Variants in BTBD9 observed in about 807,000 individuals in gnomAD.
BTBD9 encodes BTB domain containing 9.
BTBD9 carries 49 observed loss-of-function variants against 64.3 expected under a neutral mutation model. The ratio of observed to expected loss-of-function variants is 0.76; its 90% confidence interval spans 0.61 to 0.97. The LOEUF (loss-of-function observed/expected upper bound fraction) is 0.97. Among genes scored for constraint, BTBD9 ranks in the 50% least tolerant of loss-of-function variants. The pLI, the probability that BTBD9 is intolerant of heterozygous loss-of-function variation, is 0.00. For synonymous variants in BTBD9, 260 were observed against 274.7 expected, an observed-to-expected ratio of 0.95 and a Z score of 0.53; for missense variants, 598 against 762.1, an observed-to-expected ratio of 0.78 and a Z score of 2.53.
At chr6:38,192,701 T>C in intron 9 of BTBD9, 104 bp from the exon 10 acceptor site, 1 of 980,372 alleles carries the variant, frequency 1.0e-6, no homozygotes, top group Non-Finnish European at 1.6e-6. Context: ...CTTCCTGTCC[T>C]CGGAGACCTG....
At chr6:38,315,410 G>A (rs1323082900) in intron 7 of BTBD9, among the ~76,000 whole-genome samples, 1 of 151,258 alleles carries the variant, frequency 6.6e-6, no homozygotes. Flanking sequence ...TTTTGATGCA[G>A]GCACTTAACA....
At chr6:38,306,964 A>G (rs1300501817) in intron 7 of BTBD9, among the ~76,000 whole-genome samples, 1 of 152,262 alleles carries the variant, frequency 6.6e-6, no homozygotes, top group Non-Finnish European at 1.5e-5. Flanking sequence ...CAAATGGTTA[A>G]TAATCTCTGA....
rs970533604 is a variant in BTBD9 at position 38,334,716 on chromosome 6, C to T, written c.1264+10268G>A. ...GTACGCATTTACATTTACCTAGACA[C>T]ACACATCCATACTACTATATGTATC... On this transcript the variant is annotated intron_variant, in intron 7 of 10. Transcript: ENST00000481247. Among the ~76,000 whole-genome samples the T allele has an allele frequency of 8.6e-5, 13 of 152,016 alleles. No individual in the cohort carries two copies. In the South Asian group the frequency reaches 2.3e-3, roughly 27 times the overall value.
At chr6:38,557,652 A>G (rs1775089758) in intron 6 of BTBD9, among the ~76,000 whole-genome samples, 1 of 152,248 alleles carries the variant, frequency 6.6e-6, no homozygotes, top group African/African-American at 2.4e-5. Context: ...ACCTGTTTAT[A>G]AAAACAAGGT....
chr6:38,440,291 C>T (rs912328798), intron 6 of BTBD9, among the ~76,000 whole-genome samples: 1 of 152,126 alleles, frequency 6.6e-6, no homozygotes, highest in African/African-American at 2.4e-5. Context: ...CGGCAAAACG[C>T]ACTAAGTAGA....
intron 8 of BTBD9, among the ~76,000 whole-genome samples, chr6:38,262,000 T>C (rs1358274756): frequency 6.6e-6 from 1 of 152,268 alleles, no homozygotes; most frequent in Admixed American, 6.5e-5. Flanking sequence ...AAAAAGCAAC[T>C]GCAGCTGAAG....
At chr6:38,598,343 G>C (rs1342595373) in intron 1 of BTBD9, among the ~76,000 whole-genome samples, 1 of 152,096 alleles carries the variant, frequency 6.6e-6, no homozygotes, top group Non-Finnish European at 1.5e-5. Context: ...AAAAATGCCA[G>C]ATCTCCAAAC....
intron 6 of BTBD9, among the ~76,000 whole-genome samples, chr6:38,381,612 A>C (rs1374238841): frequency 6.6e-6 from 1 of 152,160 alleles, no homozygotes; most frequent in Non-Finnish European, 1.5e-5. Flanking sequence ...CATAAAGAGA[A>C]TAATGTTCTC....
chr6:38,630,389 T>C (rs909922675), intron 1 of BTBD9, among the ~76,000 whole-genome samples: 1 of 152,236 alleles, frequency 6.6e-6, no homozygotes, highest in Non-Finnish European at 1.5e-5. Flanking sequence ...ATAGGTTAGC[T>C]ACAACGATAG....
chr6:38,383,768 T>C (rs1001894020), intron 6 of BTBD9, among the ~76,000 whole-genome samples: 1 of 152,182 alleles, frequency 6.6e-6, no homozygotes, highest in African/African-American at 2.4e-5. Context: ...CGGTGAGTAA[T>C]GGGTCTTCAT....
chr6:38,206,023 C>T (rs919790220), intron 9 of BTBD9, among the ~76,000 whole-genome samples: 1 of 151,596 alleles, frequency 6.6e-6, no homozygotes, highest in African/African-American at 2.4e-5. Flanking sequence ...GCCCACAGGA[C>T]AACTAGTCCA....
At chr6:38,193,655 C>T (rs1009691033) in intron 9 of BTBD9, among the ~76,000 whole-genome samples, 2 of 152,194 alleles carry the variant, frequency 1.3e-5, no homozygotes, top group African/African-American at 4.8e-5. Context: ...CGACTGTAAA[C>T]TCCAATAATA....
chr6:38,574,379 GT>G (rs1020048548), intron 6 of BTBD9, among the ~76,000 whole-genome samples: 3 of 152,134 alleles, frequency 2.0e-5, no homozygotes, highest in Non-Finnish European at 4.4e-5. Context: ...TAGGCCGGTT[GT>G]TAAGATAAAA....
intron 6 of BTBD9, among the ~76,000 whole-genome samples, chr6:38,459,971 T>C (rs1769999149): frequency 1.3e-5 from 2 of 152,236 alleles, no homozygotes; most frequent in South Asian, 4.1e-4. Context: ...TATTATTTCA[T>C]TTCTTTCATC....
chr6:38,234,049 A>G (rs1021842935), intron 9 of BTBD9, among the ~76,000 whole-genome samples: 2 of 152,272 alleles, frequency 1.3e-5, no homozygotes, highest in African/African-American at 4.8e-5. Context: ...AATGGATGTT[A>G]ATATTTCATT....
chr6:38,418,759 C>T (rs767148476), intron 6 of BTBD9, among the ~76,000 whole-genome samples: 1 of 152,084 alleles, frequency 6.6e-6, no homozygotes, highest in East Asian at 1.9e-4. Context: ...TTCTTTTAGA[C>T]CTCAGGAATG....
chr6:38,442,082 A>G (rs891406432), intron 6 of BTBD9, among the ~76,000 whole-genome samples: 1 of 152,172 alleles, frequency 6.6e-6, no homozygotes, highest in Non-Finnish European at 1.5e-5. Flanking sequence ...TTGCACAGAA[A>G]TACATATAAC....
intron 7 of BTBD9, among the ~76,000 whole-genome samples, chr6:38,298,295 A>T (rs533493554): frequency 1.1e-4 from 17 of 152,282 alleles, no homozygotes; most frequent in African/African-American, 3.8e-4. Context: ...TACCAGATTT[A>T]ATAATCTCTA....
intron 6 of BTBD9, among the ~76,000 whole-genome samples, chr6:38,466,481 C>A (rs6935557): frequency 2.6e-5 from 4 of 151,712 alleles, no homozygotes; most frequent in African/African-American, 9.7e-5. Flanking sequence ...TTAGTAGAGA[C>A]GGGGTTTCAC....
Sources: gnomAD v4.1 joint callset for allele counts (sites outside exome capture counted in the v4.1 genomes callset) on GRCh38, gnomAD v4.1.1 for gene constraint, MANE v1.5 for transcripts, NCBI Gene and HGNC (gene_info 2026-07-23, HGNC 2026-07-21) for gene names.